The following FRMD3 variants were observed in gnomAD, a reference collection of about 807,000 sequenced individuals.
FRMD3 encodes the protein FERM domain-containing protein 3.
A neutral mutation model predicts 70.2 loss-of-function variants in FRMD3; 33 were observed. That is an observed-to-expected ratio of 0.47 (90% confidence interval 0.36 to 0.63). The LOEUF (loss-of-function observed/expected upper bound fraction) is 0.63, where lower values mean the gene tolerates loss of function less well. Among genes scored for constraint, FRMD3 ranks in the 20% least tolerant of loss-of-function variants. FRMD3 has a pLI of 0.00. For synonymous variants in FRMD3, 279 were observed against 255.9 expected, an observed-to-expected ratio of 1.09 and a Z score of -0.86; for missense variants, 632 against 711.4, an observed-to-expected ratio of 0.89 and a Z score of 1.27.
chr9:83,313,316 T>C (rs1238737986), intron 7 of FRMD3, among the ~76,000 whole-genome samples: 1 of 152,216 alleles, frequency 6.6e-6, no homozygotes, highest in Non-Finnish European at 1.5e-5. Context: ...CACTTTCCCA[T>C]TTTTTAAAGA....
intron 6 of FRMD3, among the ~76,000 whole-genome samples, chr9:83,324,465 A>G (rs1241739080): frequency 6.6e-6 from 1 of 152,172 alleles, no homozygotes; most frequent in Non-Finnish European, 1.5e-5. Flanking sequence ...TAAATCCCAC[A>G]CATATTGTAT....
rs12345459 is a variant in FRMD3 at position 83,283,302 on chromosome 9, G to A, written c.1195+7301C>T. Among the ~76,000 whole-genome samples the A allele has an allele frequency of 2.4e-3, 361 of 152,102 alleles. 1 individual carries two copies. Among genetic ancestry groups the A allele is most frequent in the African/African-American group, 8.4e-3 (348 of 41,510 alleles). ...TCCCAGCACTTTGGGAGGCCAAGGC[G>A]GGTGGATCATGAGGTCAGGAGATCG... On this transcript the variant is annotated intron_variant, in intron 13 of 13. Coordinates refer to ENST00000304195, the MANE Select transcript of FRMD3 (RefSeq NM_174938.6).
chr9:83,243,273 G>C (rs1381336275), downstream of FRMD3: 2 of 1,521,698 alleles, frequency 1.3e-6, no homozygotes, highest in African/African-American at 2.8e-5. Flanking sequence ...AAAAGAAGCA[G>C]GAGGACAAGT....
chr9:83,515,576 C>G (rs546876485), intron 1 of FRMD3, among the ~76,000 whole-genome samples: 1 of 152,174 alleles, frequency 6.6e-6, no homozygotes, highest in South Asian at 2.1e-4. Flanking sequence ...CTTCCCCAAC[C>G]TAGCAAGACA....
intron 1 of FRMD3, among the ~76,000 whole-genome samples, chr9:83,456,080 T>G (rs1200964610): frequency 6.6e-6 from 1 of 152,234 alleles, no homozygotes; most frequent in East Asian, 1.9e-4. Flanking sequence ...AACCTGCCCA[T>G]AGGTAACCAA....
chr9:83,390,167 G>A (rs757945726), intron 1 of FRMD3, among the ~76,000 whole-genome samples: 9 of 152,088 alleles, frequency 5.9e-5, no homozygotes, highest in Non-Finnish European at 8.8e-5. Context: ...ATTTTATATC[G>A]GAGGAAACTG....
At chr9:83,379,726 AG>A (rs750934590) in intron 2 of FRMD3, among the ~76,000 whole-genome samples, 25 of 152,288 alleles carry the variant, frequency 1.6e-4, no homozygotes, top group Admixed American at 1.0e-3. Context: ...AGTCCACCAC[AG>A]GGTAGAGAAT....
At chr9:83,373,104 A>T in intron 2 of FRMD3, 149 bp from the exon 3 acceptor site, 1 of 666,466 alleles carries the variant, frequency 1.5e-6, no homozygotes, top group East Asian at 2.6e-5. Flanking sequence ...CAACATAAAC[A>T]ACTTGGCAAT....
At chr9:83,355,967 T>G (rs1312347554) in intron 3 of FRMD3, among the ~76,000 whole-genome samples, 1 of 152,208 alleles carries the variant, frequency 6.6e-6, no homozygotes, top group East Asian at 1.9e-4. Flanking sequence ...GGGAGCCAAG[T>G]GTCTCCTCGG....
the FRMD3 span, among the ~76,000 whole-genome samples, chr9:83,585,750 T>C: frequency 1.3e-5 from 2 of 152,218 alleles, no homozygotes; most frequent in Non-Finnish European, 2.9e-5. Flanking sequence ...TTCCAACTTA[T>C]CTAAGCTATT....
At chr9:83,471,251 G>A (rs1828261107) in intron 1 of FRMD3, among the ~76,000 whole-genome samples, 1 of 152,212 alleles carries the variant, frequency 6.6e-6, no homozygotes, top group Admixed American at 6.5e-5. Context: ...CTGAAAAGAT[G>A]AAGCAGGAAA....
intron 5 of FRMD3, among the ~76,000 whole-genome samples, chr9:83,338,860 T>G (rs1187487244): frequency 1.3e-5 from 2 of 152,192 alleles, no homozygotes; most frequent in Admixed American, 6.5e-5. Flanking sequence ...TAACTCAACC[T>G]ATGTTCCAAA....
the FRMD3 span, among the ~76,000 whole-genome samples, chr9:83,544,417 C>T: frequency 6.6e-6 from 1 of 152,202 alleles, no homozygotes; most frequent in African/African-American, 2.4e-5. Context: ...CTTGACTCAG[C>T]TTTGGCCACT....
chr9:83,457,494 T>C (rs192605916), intron 1 of FRMD3, among the ~76,000 whole-genome samples: 3 of 152,352 alleles, frequency 2.0e-5, no homozygotes, highest in Admixed American at 1.3e-4. Context: ...TGACTGTTCA[T>C]GTACCTGACA....
In FRMD3 at chr9:83,308,235, A is replaced by G. The variant is rs1229933260; in HGVS notation, c.926+1301T>C. Among the ~76,000 whole-genome samples, 7 of 152,194 alleles carry G rather than the reference A, an allele frequency of 4.6e-5. No homozygotes were observed. In the East Asian group the frequency reaches 1.3e-3, roughly 29 times the overall value. ...TGGTCACCCAAGCTCCTGAAAAGCA[A>G]TGAACAATGGGCAAAGACCCTTCAA... On this transcript the variant is annotated intron_variant, in intron 10 of 13. Coordinates refer to ENST00000304195, the MANE Select transcript of FRMD3 (RefSeq NM_174938.6).
In FRMD3 at chr9:83,349,711, AT is replaced by A. The variant is rs1564028604; in HGVS notation, c.341del (p.His114LeufsTer4). The A allele has an allele frequency of 3.7e-6, 6 of 1,612,328 alleles. No homozygotes were observed. Among genetic ancestry groups the A allele is most frequent in the Non-Finnish European group, 8.5e-7 (1 of 1,178,994 alleles). ...GCTCTTCTTTAATCTTCAAGGGTTC[AT>A]GTGGGTAGAATTTCACTCTAAAGCA... ...TMCFRVKFYP[H>X]EPLKIKEELT... On this transcript the variant is annotated frameshift_variant, in exon 4 of 14. Coordinates refer to ENST00000304195, the MANE Select transcript of FRMD3 (RefSeq NM_174938.6). LOFTEE classifies it high-confidence loss of function.
chr9:83,443,121 T>C (rs1293128487), intron 1 of FRMD3, among the ~76,000 whole-genome samples: 1 of 152,184 alleles, frequency 6.6e-6, no homozygotes, highest in African/African-American at 2.4e-5. Context: ...TTCACTTTTT[T>C]TGTATTGCAT....
At chr9:83,512,941 G>C (rs1829371175) in intron 1 of FRMD3, among the ~76,000 whole-genome samples, 1 of 152,180 alleles carries the variant, frequency 6.6e-6, no homozygotes, top group Admixed American at 6.5e-5. Context: ...ATGGATCCCA[G>C]TCACACTGTG....
chr9:83,363,181 C>G (rs1052429659), intron 3 of FRMD3, among the ~76,000 whole-genome samples: 3 of 152,158 alleles, frequency 2.0e-5, no homozygotes, highest in Non-Finnish European at 4.4e-5. Flanking sequence ...ATATTATGCT[C>G]TCTTCCCCAG....
Sources: gnomAD v4.1 joint callset for allele counts (sites outside exome capture counted in the v4.1 genomes callset) on GRCh38, gnomAD v4.1.1 for gene constraint, MANE v1.5 for transcripts, NCBI Gene and HGNC (gene_info 2026-07-23, HGNC 2026-07-21) for gene names.